Variants in MYO18B observed in about 807,000 individuals in gnomAD.
MYO18B encodes the protein myosin XVIIIB.
Under a neutral mutation model 273.0 loss-of-function variants are expected in MYO18B, and 204 were observed. That is an observed-to-expected ratio of 0.75 (90% CI 0.67 to 0.84). The LOEUF (loss-of-function observed/expected upper bound fraction) is 0.84, where lower values mean the gene tolerates loss of function less well. Among genes scored for constraint, MYO18B ranks in the 40% least tolerant of loss-of-function variants. MYO18B has a pLI of 0.00. For synonymous variants in MYO18B, 1,330 were observed against 1,305.7 expected (o/e 1.02, Z -0.40); for missense variants, 3,212 against 3,287.6 (o/e 0.98, Z 0.56).
At chr22:25,925,047 C>T (rs541643741) in intron 34 of MYO18B, among the ~76,000 whole-genome samples, 2 of 152,286 alleles carry the variant, frequency 1.3e-5, no homozygotes, top group South Asian at 2.1e-4. Context: ...TAAGGGCACA[C>T]AGCAATACAT....
At chr22:25,806,412 A>C (rs1293077445) in intron 12 of MYO18B, among the ~76,000 whole-genome samples, 1 of 152,018 alleles carries the variant, frequency 6.6e-6, no homozygotes. Context: ...TGGCCTTTGG[A>C]TCTTAGAAGC....
intron 34 of MYO18B, among the ~76,000 whole-genome samples, chr22:25,940,467 T>C (rs1417693329): frequency 2.0e-5 from 3 of 152,214 alleles, no homozygotes; most frequent in African/African-American, 7.2e-5. Flanking sequence ...GGTATGTCTT[T>C]ATTAGTAGTG....
Position 25,875,512 on chromosome 22 carries a change from C to CG in MYO18B, c.4081-677_4081-676insG, listed in dbSNP as rs566477493. 5.0e-4 allele frequency among the ~76,000 whole-genome samples: 76 copies of CG among 151,746 alleles called. 2 individuals are homozygous for CG. In the South Asian group the frequency reaches 8.3e-3, roughly 17 times the overall value. On this transcript the variant is annotated intron_variant, in intron 23 of 43. Transcript: ENST00000335473. ...CAGTCAGTGCTGTTCTGGTCCCCCC[C>CG]CCAGTGATAAGAATGAAGCGGGTCA...
At chr22:25,840,256 C>T (rs1310001615) in intron 17 of MYO18B, among the ~76,000 whole-genome samples, 2 of 152,230 alleles carry the variant, frequency 1.3e-5, no homozygotes, top group Non-Finnish European at 2.9e-5. Context: ...CTCCTGTCAC[C>T]ATCACACAGC....
At chr22:25,914,883 G>A (rs186194761) in intron 33 of MYO18B, among the ~76,000 whole-genome samples, 14 of 150,722 alleles carry the variant, frequency 9.3e-5, no homozygotes, top group African/African-American at 3.2e-4. Flanking sequence ...ATTTTTCATA[G>A]AGATGGGGTT....
At chr22:25,912,694 T>C (rs979345577) in intron 33 of MYO18B, among the ~76,000 whole-genome samples, 2 of 152,194 alleles carry the variant, frequency 1.3e-5, no homozygotes, top group African/African-American at 4.8e-5. Context: ...ATTCAGATGT[T>C]TTTAAGGAAA....
chr22:25,954,657 G>A (rs1037991689), intron 38 of MYO18B, among the ~76,000 whole-genome samples: 2 of 152,110 alleles, frequency 1.3e-5, no homozygotes, highest in Admixed American at 6.6e-5. Flanking sequence ...GGGTCTTGGG[G>A]GCAAGGGTTC....
chr22:25,815,735 C>T (rs766392188), intron 12 of MYO18B, among the ~76,000 whole-genome samples: 3 of 152,130 alleles, frequency 2.0e-5, no homozygotes, highest in Non-Finnish European at 2.9e-5. Context: ...TTGTAAATTC[C>T]GCATACATGT....
chr22:25,863,431 A>G (rs552564190), intron 21 of MYO18B, among the ~76,000 whole-genome samples: 1 of 152,348 alleles, frequency 6.6e-6, no homozygotes, highest in East Asian at 1.9e-4. Context: ...CTTAGATGAT[A>G]CATTATAGCA....
intron 30 of MYO18B, 33 bp from the exon 31 acceptor site, chr22:25,903,598 G>A (rs1269258958): frequency 1.3e-6 from 2 of 1,569,546 alleles, no homozygotes; most frequent in South Asian, 2.3e-5. Context: ...ATACTCATGT[G>A]ACTCCAGATC....
chr22:25,890,732 T>G, intron 25 of MYO18B, 24 bp from the exon 26 acceptor site: 1 of 1,613,320 alleles, frequency 6.2e-7, no homozygotes, highest in Middle Eastern at 1.6e-4. Context: ...GACCGTTCCT[T>G]GATCACCCCA....
the MYO18B span, among the ~76,000 whole-genome samples, chr22:26,061,818 G>C: frequency 0.11 from 16,900 of 152,036 alleles, 1,180 homozygotes; most frequent in East Asian, 0.26. Flanking sequence ...GTTTGGCTTT[G>C]ATGCTGTCAA....
chr22:25,849,455 T>G (rs2090356875), intron 20 of MYO18B, among the ~76,000 whole-genome samples: 2 of 152,202 alleles, frequency 1.3e-5, no homozygotes, highest in African/African-American at 4.8e-5. Context: ...TATTTATTAT[T>G]TGGAATCTGT....
Position 25,769,313 on chromosome 22 carries a change from C to T in MYO18B, c.1397C>T (p.Pro466Leu), listed in dbSNP as rs771269225. The change falls in exon 4 of 44, where the codon CCC becomes CTC. Residue 466 changes from proline to leucine, a missense_variant. Physicochemically the swap from Pro to Leu is moderately conservative, Grantham distance 98. Transcript: ENST00000335473. ...AGALETELEG[P>L]SQPALEKDAE... ...GCCCTGGAGACAGAGCTGGAAGGAC[C>T]CAGCCAGCCTGCTCTGGAGAAGGAT... 3.8e-6 allele frequency: 6 copies of T among 1,579,214 alleles called. No homozygotes were observed. Among genetic ancestry groups the T allele is most frequent in the Non-Finnish European group, 5.2e-6 (6 of 1,163,324 alleles).
At chr22:25,943,523 G>T (rs373060188) in intron 34 of MYO18B, among the ~76,000 whole-genome samples, 1 of 151,988 alleles carries the variant, frequency 6.6e-6, no homozygotes, top group South Asian at 2.1e-4. Flanking sequence ...TGTGACCCGC[G>T]TCCACATCTT....
intron 39 of MYO18B, among the ~76,000 whole-genome samples, chr22:25,990,173 C>T (rs899059077): frequency 6.6e-6 from 1 of 152,154 alleles, no homozygotes; most frequent in Non-Finnish European, 1.5e-5. Flanking sequence ...TGGAAAGGCA[C>T]AGACTTACAA....
chr22:25,948,428 TTCCTTCC>T (rs1261002230), intron 36 of MYO18B, among the ~76,000 whole-genome samples: 53 of 123,634 alleles, frequency 4.3e-4, no homozygotes, highest in Admixed American at 6.4e-4. Flanking sequence ...CCTTCCTTCC[TTCCTTCC>T]TTCCTTCCTT....
rs771380322 is a variant in MYO18B at position 25,902,618 on chromosome 22, A to G, written c.4829A>G (p.Asp1610Gly). 3 of 1,606,792 alleles carry G rather than the reference A, an allele frequency of 1.9e-6. No individual in the cohort carries two copies. The highest frequency in any genetic ancestry group is 2.5e-6 in the Non-Finnish European group (3 of 1,176,846). ...ACGTGCTCTGCTTTGCACAGGTTTGACCTGCAGCTGGCCCAGGCCCTAGGT... is the reference window on the plus strand; with the variant it reads ...ACGTGCTCTGCTTTGCACAGGTTTGGCCTGCAGCTGGCCCAGGCCCTAGGT... ...HELEKKQKKF[D>G]LQLAQALGES... The change falls in exon 30 of 44, where the codon GAC becomes GGC. Residue 1610 changes from aspartate (D) to glycine (G), a missense_variant. Transcript: ENST00000335473.
chr22:25,792,174 C>T (rs2087691419), intron 11 of MYO18B, among the ~76,000 whole-genome samples: 1 of 152,218 alleles, frequency 6.6e-6, no homozygotes, highest in African/African-American at 2.4e-5. Flanking sequence ...CTGACCGTGC[C>T]CTTCCCCAAA....
Sources: allele counts gnomAD v4.1 joint callset (sites outside exome capture counted in the v4.1 genomes callset), GRCh38; gene constraint gnomAD v4.1.1; transcripts MANE v1.5; gene names NCBI Gene and HGNC (gene_info 2026-07-23, HGNC 2026-07-21).